The following CCNY variants were observed in gnomAD, a reference collection of about 807,000 sequenced individuals.
CCNY encodes cyclin-Y.
Under a neutral mutation model 42.8 loss-of-function variants are expected in CCNY, and 19 were observed. The observed-to-expected ratio is 0.44, with a 90% CI of 0.31 to 0.65. The LOEUF is 0.65. Among genes scored for constraint, CCNY ranks in the 30% least tolerant of loss-of-function variants. The pLI, the probability that CCNY is intolerant of heterozygous loss-of-function variation, is 0.07. For synonymous variants in CCNY, 165 were observed against 162.7 expected, an observed-to-expected ratio of 1.01 and a Z score of -0.11; for missense variants, 370 against 437.3, an observed-to-expected ratio of 0.85 and a Z score of 1.37.
At chr10:35,263,356 CAAAAAAAAAAA>C (rs71523372) in intron 3 of CCNY, among the ~76,000 whole-genome samples, 1 of 44,298 alleles carries the variant, frequency 2.3e-5, no homozygotes, top group East Asian at 7.8e-4. Flanking sequence ...GACTCCGTCT[CAAAAAAAAAAA>C]AAAAAAAAAA....
chr10:35,516,661 CTTT>C (rs35268084), intron 4 of CCNY, 38 bp downstream of exon 4: 18,417 of 314,518 alleles, frequency 0.059, 1 homozygote, highest in East Asian at 0.083. Context: ...TCCTTCCTTC[CTTT>C]TTTTTTTTTT....
At chr10:35,362,003 A>G (rs1381425583) in intron 1 of CCNY, among the ~76,000 whole-genome samples, 1 of 152,218 alleles carries the variant, frequency 6.6e-6, no homozygotes, top group Non-Finnish European at 1.5e-5. Context: ...CATTTGTTTC[A>G]TGCACAAAAT....
At chr10:35,323,132 T>A (rs1336427871) in intron 3 of CCNY, among the ~76,000 whole-genome samples, 1 of 152,180 alleles carries the variant, frequency 6.6e-6, no homozygotes, top group Non-Finnish European at 1.5e-5. Context: ...TTTCGTCATG[T>A]TGGCCAGGCT....
chr10:35,260,468 C>G (rs995553412), intron 3 of CCNY, among the ~76,000 whole-genome samples: 2 of 152,170 alleles, frequency 1.3e-5, no homozygotes, highest in Admixed American at 6.5e-5. Context: ...AATCTGGGAC[C>G]CCGATCAGGG....
At chr10:35,503,435 G>A (rs1315698494) in intron 3 of CCNY, among the ~76,000 whole-genome samples, 2 of 152,150 alleles carry the variant, frequency 1.3e-5, no homozygotes, top group South Asian at 4.1e-4. Context: ...GCAAATGAGC[G>A]CCATCAGTCC....
At chr10:35,353,684 C>G (rs1418863282) in intron 1 of CCNY, among the ~76,000 whole-genome samples, 1 of 152,214 alleles carries the variant, frequency 6.6e-6, no homozygotes, top group Non-Finnish European at 1.5e-5. Flanking sequence ...CTGCAACACA[C>G]TGTACCTCTT....
intron 1 of CCNY, 95 bp downstream of exon 1, chr10:35,337,302 G>A (rs1836064358): frequency 1.2e-5 from 16 of 1,287,296 alleles, no homozygotes; most frequent in Non-Finnish European, 1.5e-5. Flanking sequence ...TGCCCAGCCG[G>A]TCTCGGCGAC....
In CCNY at chr10:35,572,611, A is replaced by G. The variant is rs942769758; in HGVS notation, c.*3441A>G. The G allele has an allele frequency of 8.5e-5, 13 of 152,208 alleles. No homozygotes were observed. Among genetic ancestry groups the G allele is most frequent in the African/African-American group, 3.1e-4 (13 of 41,456 alleles). The allele number at this position is 152,208 out of a possible 1,614,324, so 9.4% of individuals were successfully genotyped here. On this transcript the variant is annotated 3_prime_UTR_variant, in exon 10 of 10. Coordinates refer to ENST00000374704, the MANE Select transcript of CCNY (RefSeq NM_145012.6). The stretch of plus-strand genomic sequence containing the variant: ...TGAAATTTTTTAAAAATAAAACATG[A>G]TTCTTGGTTATTGTAGGTATTTAAT...
intron 1 of CCNY, among the ~76,000 whole-genome samples, chr10:35,475,662 T>G (rs369943120): frequency 1.4e-5 from 2 of 142,888 alleles, no homozygotes; most frequent in Non-Finnish European, 3.0e-5. Context: ...AAGGAACAAC[T>G]GGTACCAGCC....
At chr10:35,552,097 T>C (rs1023699537) in intron 7 of CCNY, among the ~76,000 whole-genome samples, 2 of 151,544 alleles carry the variant, frequency 1.3e-5, no homozygotes, top group Admixed American at 1.3e-4. Flanking sequence ...TTGTTCACAA[T>C]AGCCACACAG....
At chr10:35,456,073 T>C (rs1189933682) in intron 1 of CCNY, among the ~76,000 whole-genome samples, 1 of 152,156 alleles carries the variant, frequency 6.6e-6, no homozygotes, top group Non-Finnish European at 1.5e-5. Context: ...TCTGCTCATG[T>C]TTTTCCCCAT....
intron 1 of CCNY, among the ~76,000 whole-genome samples, chr10:35,405,992 C>T (rs1465236895): frequency 6.6e-6 from 1 of 152,106 alleles, no homozygotes; most frequent in Non-Finnish European, 1.5e-5. Flanking sequence ...AACTGTGGTT[C>T]AGGCGTTTGG....
intron 3 of CCNY, among the ~76,000 whole-genome samples, chr10:35,251,620 G>A (rs141082596): frequency 4.2e-5 from 6 of 143,518 alleles, no homozygotes; most frequent in African/African-American, 7.8e-5. Context: ...ACGGGATCTC[G>A]CTCTGTCATG....
At chr10:35,352,068 C>G (rs1389404325) in intron 1 of CCNY, among the ~76,000 whole-genome samples, 2 of 152,178 alleles carry the variant, frequency 1.3e-5, no homozygotes, top group African/African-American at 4.8e-5. Flanking sequence ...GCCTTCAGTT[C>G]ACTTATTTTA....
Position 35,530,666 on chromosome 10 carries a change from G to GA in CCNY, c.579+424dup, listed in dbSNP as rs1648136579. On this transcript the variant is annotated intron_variant, in intron 7 of 9. Coordinates refer to ENST00000374704, the MANE Select transcript of CCNY (RefSeq NM_145012.6). This position sits in a 1 kb window ranked among gnomAD's most constrained non-coding sequence, Gnocchi z 4.3. ...CTTATATGAACACTTGTCTAGGAAG[G>GA]AGTGTGTATATTCCTAGCTTCTGTT... 6.6e-6 allele frequency among the ~76,000 whole-genome samples: 1 copy of GA among 152,192 alleles called. No homozygotes were observed. Among genetic ancestry groups the GA allele is most frequent in the Non-Finnish European group, 1.5e-5 (1 of 68,044 alleles).
intron 3 of CCNY, among the ~76,000 whole-genome samples, chr10:35,277,983 G>T (rs185128390): frequency 6.6e-6 from 1 of 152,294 alleles, no homozygotes; most frequent in African/African-American, 2.4e-5. Context: ...AAGTGATGGG[G>T]TCCCTCCTGC....
chr10:35,431,439 TCTCTCTCTCTCTCTCTCTCA>T (rs1838406972), intron 1 of CCNY, among the ~76,000 whole-genome samples: 1 of 113,838 alleles, frequency 8.8e-6, no homozygotes, highest in South Asian at 3.7e-4. Context: ...TCTCTCTCTC[TCTCTCTCTCTCTCTCTCTCA>T]CACTCACTCA....
At chr10:35,348,929 A>G (rs1238932396) in intron 1 of CCNY, among the ~76,000 whole-genome samples, 2 of 151,292 alleles carry the variant, frequency 1.3e-5, no homozygotes, top group Non-Finnish European at 2.9e-5. Flanking sequence ...TATCCAGGAT[A>G]TTTTGTAAGG....
At chr10:35,433,459 A>G (rs1042381174) in intron 1 of CCNY, among the ~76,000 whole-genome samples, 95 of 152,318 alleles carry the variant, frequency 6.2e-4, no homozygotes, top group African/African-American at 2.1e-3. Flanking sequence ...GTCAAATAGT[A>G]TAACACAACA....
Sources: allele counts gnomAD v4.1 joint callset (sites outside exome capture counted in the v4.1 genomes callset), GRCh38; gene constraint gnomAD v4.1.1; non-coding constraint Gnocchi (gnomAD v3.1); transcripts MANE v1.5; gene names NCBI Gene and HGNC (gene_info 2026-07-23, HGNC 2026-07-21).